Variants in CSMD1 observed in about 807,000 individuals in gnomAD.
The protein encoded by CSMD1 is CUB and sushi domain-containing protein 1.
Under a neutral mutation model 417.5 loss-of-function variants are expected in CSMD1, and 213 were observed. The ratio of observed to expected loss-of-function variants is 0.51; its 90% CI spans 0.46 to 0.57. The LOEUF is 0.57. CSMD1 is among the 20% of genes least tolerant of loss of function. CSMD1 has a pLI of 0.00. For missense variants in CSMD1, 6,923 were observed against 4,529.7 expected (o/e 1.53, Z -15.17); for synonymous variants, 2,862 against 1,736.8 (o/e 1.65, Z -16.11).
chr8:3,917,371 C>T lies in CSMD1; in HGVS notation c.818+80532G>A, dbSNP rs531710463. Reference sequence around the variant, plus strand: ...CAGTCCACTCACTTTGACACTTCACCGCACTGCTTCCCTCTACAGGAGTTT... The same window carrying T: ...CAGTCCACTCACTTTGACACTTCACTGCACTGCTTCCCTCTACAGGAGTTT... On this transcript the variant is annotated intron_variant, in intron 5 of 69. Transcript: ENST00000635120. Among the ~76,000 whole-genome samples, 49 of 152,066 alleles carry T rather than the reference C, an allele frequency of 3.2e-4. 1 individual carries two copies. In the South Asian group the frequency reaches 8.5e-3, roughly 26 times the overall value.
chr8:3,178,061 C>T (rs1005871030), intron 37 of CSMD1, among the ~76,000 whole-genome samples: 2 of 152,150 alleles, frequency 1.3e-5, no homozygotes, highest in African/African-American at 4.8e-5. Context: ...TACTTGGATT[C>T]TGTAAGATTA....
At chr8:4,646,364 T>C (rs922247209) in intron 1 of CSMD1, among the ~76,000 whole-genome samples, 2 of 152,254 alleles carry the variant, frequency 1.3e-5, no homozygotes, top group Non-Finnish European at 2.9e-5. Context: ...AATCATGCTA[T>C]GTATTACTCT....
At chr8:4,267,591 G>C in intron 3 of CSMD1, among the ~76,000 whole-genome samples, 1 of 151,796 alleles carries the variant, frequency 6.6e-6, no homozygotes. Flanking sequence ...ACACATTCTT[G>C]GTTGGTAGAA....
At chr8:4,221,371 A>C (rs1009333002) in intron 3 of CSMD1, among the ~76,000 whole-genome samples, 3 of 113,638 alleles carry the variant, frequency 2.6e-5, no homozygotes, top group Middle Eastern at 4.5e-3. Context: ...CTCTACAAGG[A>C]AAGTGAGAAA....
At chr8:3,353,024 G>C (rs1286312564) in intron 21 of CSMD1, among the ~76,000 whole-genome samples, 1 of 152,158 alleles carries the variant, frequency 6.6e-6, no homozygotes, top group East Asian at 1.9e-4. Flanking sequence ...GTGTGAGAGG[G>C]AAACTATGAT....
intron 52 of CSMD1, among the ~76,000 whole-genome samples, chr8:3,002,940 GA>G (rs1338312821): frequency 6.6e-6 from 1 of 151,912 alleles, no homozygotes; most frequent in African/African-American, 2.4e-5. Context: ...CTTGCCTGAA[GA>G]AAAAAAAGTT....
intron 12 of CSMD1, among the ~76,000 whole-genome samples, chr8:3,434,626 G>A (rs569537380): frequency 2.0e-5 from 3 of 152,090 alleles, no homozygotes; most frequent in African/African-American, 7.2e-5. Flanking sequence ...ATTTATTAGT[G>A]TTAAATCTCA....
chr8:4,577,403 C>A (rs577945607), intron 2 of CSMD1, among the ~76,000 whole-genome samples: 1 of 152,122 alleles, frequency 6.6e-6, no homozygotes, highest in Non-Finnish European at 1.5e-5. Flanking sequence ...CCTCTCAAGT[C>A]GGGGAAATGT....
chr8:3,844,407 A>G (rs1585080046), intron 5 of CSMD1, among the ~76,000 whole-genome samples: 1 of 152,180 alleles, frequency 6.6e-6, no homozygotes, highest in Admixed American at 6.5e-5. Context: ...AATTATTGAC[A>G]AAGAATAATT....
chr8:3,260,372 G>A (rs1345104790), intron 26 of CSMD1, among the ~76,000 whole-genome samples: 3 of 152,064 alleles, frequency 2.0e-5, no homozygotes, highest in South Asian at 2.1e-4. Context: ...GGGTGCCTCC[G>A]TGTTTCAGTG....
chr8:4,369,653 G>A (rs1054016851), intron 3 of CSMD1, among the ~76,000 whole-genome samples: 5 of 152,148 alleles, frequency 3.3e-5, no homozygotes, highest in African/African-American at 4.8e-5. Context: ...ACTTAAAATA[G>A]TTGTCTTCTT....
intron 5 of CSMD1, among the ~76,000 whole-genome samples, chr8:3,928,102 G>C (rs1027703815): frequency 5.3e-5 from 8 of 151,974 alleles, no homozygotes; most frequent in Non-Finnish European, 2.9e-5. Context: ...AAGTATAAAG[G>C]ACATACAAAG....
intron 3 of CSMD1, among the ~76,000 whole-genome samples, chr8:4,344,443 G>A (rs1403424641): frequency 2.0e-5 from 3 of 151,876 alleles, no homozygotes; most frequent in East Asian, 1.9e-4. Context: ...AAACTGAACT[G>A]CTCAAAGATG....
chr8:4,808,506 C>T (rs1456298844), intron 1 of CSMD1, among the ~76,000 whole-genome samples: 1 of 152,170 alleles, frequency 6.6e-6, no homozygotes, highest in Non-Finnish European at 1.5e-5. Context: ...GAATAAAACA[C>T]ATCCTCTTGG....
At chr8:4,078,664 G>A (rs951033776) in intron 3 of CSMD1, among the ~76,000 whole-genome samples, 9 of 149,776 alleles carry the variant, frequency 6.0e-5, no homozygotes, top group African/African-American at 2.2e-4. Context: ...ATCCTTTTGA[G>A]AAAAAACTTG....
At chr8:3,319,120 A>T (rs1805977737) in intron 23 of CSMD1, among the ~76,000 whole-genome samples, 1 of 152,192 alleles carries the variant, frequency 6.6e-6, no homozygotes, top group East Asian at 1.9e-4. Flanking sequence ...ATAATAACTG[A>T]AGAAGTAACT....
At chr8:4,037,336 C>G (rs2130612122) in intron 3 of CSMD1, among the ~76,000 whole-genome samples, 1 of 152,260 alleles carries the variant, frequency 6.6e-6, no homozygotes, top group East Asian at 1.9e-4. Flanking sequence ...CAGAACCTAC[C>G]AAGCACTTGA....
chr8:3,896,807 G>C (rs897302856), intron 5 of CSMD1, among the ~76,000 whole-genome samples: 1 of 151,880 alleles, frequency 6.6e-6, no homozygotes, highest in Non-Finnish European at 1.5e-5. Flanking sequence ...TGAATTGATG[G>C]TCTGATTGTG....
intron 5 of CSMD1, 79 bp downstream of exon 5, chr8:3,997,824 G>C (rs950313809): frequency 2.3e-6 from 3 of 1,300,368 alleles, no homozygotes; most frequent in African/African-American, 1.5e-5. Flanking sequence ...CCAGAGACAA[G>C]CAATTCTTGA....
Sources: allele counts gnomAD v4.1 joint callset (sites outside exome capture counted in the v4.1 genomes callset), GRCh38; gene constraint gnomAD v4.1.1; transcripts MANE v1.5; gene names NCBI Gene and HGNC (gene_info 2026-07-23, HGNC 2026-07-21).